The following SGCZ variants were observed in gnomAD, a reference collection of about 807,000 sequenced individuals.
SGCZ encodes sarcoglycan zeta.
Under a neutral mutation model 41.3 loss-of-function variants are expected in SGCZ, and 40 were observed. That is an observed-to-expected ratio of 0.97 (90% confidence interval 0.75 to 1.26). The LOEUF (loss-of-function observed/expected upper bound fraction) is 1.26, where lower values mean the gene tolerates loss of function less well. Ranked by LOEUF, SGCZ falls within the 50% of genes most tolerant of loss-of-function variation. The pLI is 0.00. For missense variants in SGCZ, 552 were observed against 369.8 expected, an observed-to-expected ratio of 1.49 and a Z score of -4.04; for synonymous variants, 206 against 137.5, an observed-to-expected ratio of 1.50 and a Z score of -3.49.
intron 1 of SGCZ, among the ~76,000 whole-genome samples, chr8:15,051,737 T>C (rs10110758): frequency 0.031 from 4,676 of 152,296 alleles, 254 homozygotes; most frequent in African/African-American, 0.11. Context: ...TAACTTTTGC[T>C]TTATTGAAAT....
intron 2 of SGCZ, among the ~76,000 whole-genome samples, chr8:14,548,442 TTG>T (rs1387008021): frequency 2.6e-5 from 4 of 152,192 alleles, no homozygotes; most frequent in African/African-American, 9.6e-5. Flanking sequence ...TGTTCTTAAA[TTG>T]TTGCATATAA....
At chr8:14,892,614 C>T (rs937086154) in intron 1 of SGCZ, among the ~76,000 whole-genome samples, 3 of 151,996 alleles carry the variant, frequency 2.0e-5, no homozygotes, top group South Asian at 2.1e-4. Context: ...AAATTTTACA[C>T]ATGTTGATAG....
intron 1 of SGCZ, among the ~76,000 whole-genome samples, chr8:14,680,630 TAGA>T (rs1475091608): frequency 2.0e-5 from 3 of 151,598 alleles, no homozygotes; most frequent in Non-Finnish European, 4.4e-5. Context: ...TATTCCAAAG[TAGA>T]AGAAGGCATG....
intron 2 of SGCZ, among the ~76,000 whole-genome samples, chr8:14,400,378 T>A (rs1014739026): frequency 6.6e-6 from 1 of 152,138 alleles, no homozygotes; most frequent in African/African-American, 2.4e-5. Flanking sequence ...AGATAGAACA[T>A]TTACCACTTT....
intron 5 of SGCZ, among the ~76,000 whole-genome samples, chr8:14,119,523 T>C (rs955960791): frequency 3.9e-5 from 6 of 152,166 alleles, no homozygotes; most frequent in African/African-American, 1.4e-4. Flanking sequence ...ACAATTTCAC[T>C]TTCTTTCTAT....
chr8:14,875,067 T>C (rs572230310), intron 1 of SGCZ, among the ~76,000 whole-genome samples: 1 of 152,022 alleles, frequency 6.6e-6, no homozygotes, highest in African/African-American at 2.4e-5. Context: ...GGAGACCAGG[T>C]TATTTATAAA....
intron 2 of SGCZ, among the ~76,000 whole-genome samples, chr8:14,446,136 G>T (rs942781258): frequency 2.6e-5 from 4 of 152,144 alleles, no homozygotes; most frequent in African/African-American, 9.7e-5. Context: ...GGGAGAAAAA[G>T]CACTCAGGCA....
chr8:14,664,360 C>T (rs777199781), intron 1 of SGCZ, among the ~76,000 whole-genome samples: 5 of 152,158 alleles, frequency 3.3e-5, no homozygotes, highest in Non-Finnish European at 7.3e-5. Context: ...TGTTAGATTA[C>T]TTGAAACGAG....
chr8:14,945,945 C>T (rs1800427288), intron 1 of SGCZ, among the ~76,000 whole-genome samples: 1 of 135,666 alleles, frequency 7.4e-6, no homozygotes, highest in African/African-American at 2.8e-5. Flanking sequence ...GCAGATAGGC[C>T]TCTCATGGGA....
At chr8:14,232,136 C>CATATAT (rs10695784) in intron 4 of SGCZ, among the ~76,000 whole-genome samples, 3 of 150,178 alleles carry the variant, frequency 2.0e-5, no homozygotes, top group East Asian at 3.9e-4. Flanking sequence ...CTTCTTTCAT[C>CATATAT]ATATATATAT....
intron 3 of SGCZ, among the ~76,000 whole-genome samples, chr8:14,267,068 T>G (rs1585300262): frequency 6.6e-6 from 1 of 152,234 alleles, no homozygotes; most frequent in South Asian, 2.1e-4. Flanking sequence ...TATAATATTT[T>G]TGTTTTCTTA....
At chr8:14,224,287 C>T (rs1161791338) in intron 4 of SGCZ, among the ~76,000 whole-genome samples, 1 of 151,902 alleles carries the variant, frequency 6.6e-6, no homozygotes, top group Non-Finnish European at 1.5e-5. Flanking sequence ...GATGGAAATA[C>T]CAAGGGTAGA....
At chr8:15,162,367 T>C (rs533797564) in intron 1 of SGCZ, among the ~76,000 whole-genome samples, 16 of 152,220 alleles carry the variant, frequency 1.1e-4, no homozygotes, top group Non-Finnish European at 1.9e-4. Context: ...TTATGTGGAG[T>C]TATTCAGGAG....
At chr8:14,150,751 A>G (rs1803674945) in intron 5 of SGCZ, among the ~76,000 whole-genome samples, 1 of 152,212 alleles carries the variant, frequency 6.6e-6, no homozygotes, top group African/African-American at 2.4e-5. Flanking sequence ...TGTTTACAAT[A>G]GTCAAGATTT....
In SGCZ at chr8:14,209,292, C is replaced by G. The variant is rs192902969; in HGVS notation, c.424+28300G>C. ...GTGTATTCCATGGTGGGCCAGAATT[C>G]TTATTCAGAAGCCCCTCTCTCTCAC... On this transcript the variant is annotated intron_variant, in intron 4 of 7. Transcript: ENST00000382080. Among the ~76,000 whole-genome samples the G allele has an allele frequency of 3.4e-3, 525 of 152,270 alleles. 5 individuals are homozygous for G. Among genetic ancestry groups the G allele is most frequent in the South Asian group, 0.021 (101 of 4,818 alleles).
intron 1 of SGCZ, among the ~76,000 whole-genome samples, chr8:15,046,956 A>G (rs1804328736): frequency 6.6e-6 from 1 of 152,040 alleles, no homozygotes; most frequent in African/African-American, 2.4e-5. Flanking sequence ...GTTCATTCAT[A>G]TCAGTGAAAA....
intron 1 of SGCZ, among the ~76,000 whole-genome samples, chr8:14,940,928 G>T (rs1800254866): frequency 6.6e-6 from 1 of 152,014 alleles, no homozygotes; most frequent in African/African-American, 2.4e-5. Context: ...TGGCATTCTA[G>T]TAGGAAATAA....
chr8:14,575,503 A>G (rs565544032), intron 1 of SGCZ, among the ~76,000 whole-genome samples: 8 of 152,358 alleles, frequency 5.3e-5, no homozygotes, highest in Non-Finnish European at 1.2e-4. Flanking sequence ...ATAAAGAAGA[A>G]AAGATGTTCA....
chr8:14,097,053 T>C (rs1410792404), intron 7 of SGCZ, among the ~76,000 whole-genome samples: 1 of 152,154 alleles, frequency 6.6e-6, no homozygotes, highest in Admixed American at 6.6e-5. Context: ...AACCACCTCC[T>C]GGATTCATTG....
Sources: gnomAD v4.1 joint callset for allele counts (sites outside exome capture counted in the v4.1 genomes callset) on GRCh38, gnomAD v4.1.1 for gene constraint, MANE v1.5 for transcripts, NCBI Gene and HGNC (gene_info 2026-07-23, HGNC 2026-07-21) for gene names.